Variants in EPHA3 observed in about 807,000 individuals in gnomAD.
EPHA3 encodes ephrin type-A receptor 3.
In EPHA3, 42 loss-of-function variants were observed where a neutral mutation model predicts 107.1. That is an observed-to-expected ratio of 0.39 (90% CI 0.31 to 0.51). EPHA3 has a LOEUF of 0.51. Among genes scored for constraint, EPHA3 ranks in the 20% least tolerant of loss-of-function variants. The pLI is 0.78. For missense variants in EPHA3, 1,183 were observed against 1,211.2 expected (o/e 0.98, Z 0.35); for synonymous variants, 461 against 424.8 (o/e 1.09, Z -1.05).
intron 2 of EPHA3, among the ~76,000 whole-genome samples, chr3:89,169,286 T>A (rs1705156786): frequency 6.6e-6 from 1 of 152,188 alleles, no homozygotes; most frequent in Non-Finnish European, 1.5e-5. Context: ...GCATCCACAT[T>A]TGCAGTAAAA....
At chr3:89,430,679 A>C (rs1018093062) in intron 12 of EPHA3, among the ~76,000 whole-genome samples, 2 of 152,196 alleles carry the variant, frequency 1.3e-5, no homozygotes, top group Admixed American at 1.3e-4. Flanking sequence ...TTTTTGACTA[A>C]TTATGAACTA....
intron 3 of EPHA3, among the ~76,000 whole-genome samples, chr3:89,259,051 A>G (rs137859519): frequency 2.0e-3 from 304 of 152,314 alleles, no homozygotes; most frequent in Admixed American, 4.3e-3. Flanking sequence ...ATGGTTACAT[A>G]TATATTATCA....
At chr3:89,290,881 A>G (rs1370371395) in intron 3 of EPHA3, among the ~76,000 whole-genome samples, 1 of 152,152 alleles carries the variant, frequency 6.6e-6, no homozygotes, top group Non-Finnish European at 1.5e-5. Flanking sequence ...TGTTAGATGT[A>G]AGGTTATTAA....
At chr3:89,392,653 A>C (rs1708769043) in intron 5 of EPHA3, among the ~76,000 whole-genome samples, 1 of 152,126 alleles carries the variant, frequency 6.6e-6, no homozygotes, top group Admixed American at 6.5e-5. Context: ...AATTTAAAAA[A>C]CAGAAGAATG....
chr3:89,350,164 G>A (rs1262880910), intron 5 of EPHA3, among the ~76,000 whole-genome samples: 2 of 150,746 alleles, frequency 1.3e-5, no homozygotes, highest in Admixed American at 1.3e-4. Flanking sequence ...ACGTTGGCCT[G>A]CCTTGCTAGA....
chr3:89,126,087 C>T (rs1268784814), intron 1 of EPHA3, among the ~76,000 whole-genome samples: 1 of 151,594 alleles, frequency 6.6e-6, no homozygotes, highest in Non-Finnish European at 1.5e-5. Flanking sequence ...AACATGAGAA[C>T]ATGTTGTGCG....
intron 2 of EPHA3, among the ~76,000 whole-genome samples, chr3:89,137,277 A>T (rs1413356426): frequency 6.6e-6 from 1 of 151,958 alleles, no homozygotes; most frequent in African/African-American, 2.4e-5. Flanking sequence ...CCTGATGGAA[A>T]GGAGTTTCAA....
At chr3:89,395,326 A>T (rs1479290558) in intron 5 of EPHA3, among the ~76,000 whole-genome samples, 1 of 152,110 alleles carries the variant, frequency 6.6e-6, no homozygotes, top group African/African-American at 2.4e-5. Flanking sequence ...AATCATATCT[A>T]TTTTACAATA....
chr3:89,345,937 G>C lies in EPHA3; in HGVS notation c.1306+3847G>C, dbSNP rs556143771. Among the ~76,000 whole-genome samples the C allele has an allele frequency of 2.7e-5, 4 of 147,688 alleles. No homozygotes were observed. In the East Asian group the frequency reaches 5.8e-4, roughly 22 times the overall value. On this transcript the variant is annotated intron_variant, in intron 5 of 16. Coordinates refer to ENST00000336596, the MANE Select transcript of EPHA3 (RefSeq NM_005233.6). ...CAATTTCATCCATGTCCCTACAAAG[G>C]ACGTGAACTCATCATTTTTTATGGC...
At chr3:89,284,854 C>G (rs938612408) in intron 3 of EPHA3, among the ~76,000 whole-genome samples, 1 of 152,080 alleles carries the variant, frequency 6.6e-6, no homozygotes, top group African/African-American at 2.4e-5. Flanking sequence ...TTAGCCGATG[C>G]GGTGGCTCAC....
intron 3 of EPHA3, among the ~76,000 whole-genome samples, chr3:89,291,496 T>C (rs1250063653): frequency 6.6e-6 from 1 of 152,136 alleles, no homozygotes; most frequent in Non-Finnish European, 1.5e-5. Context: ...GAACATTTGC[T>C]TATGTTTTAA....
At chr3:89,420,417 T>C (rs1402785006) in intron 11 of EPHA3, among the ~76,000 whole-genome samples, 1 of 151,484 alleles carries the variant, frequency 6.6e-6, no homozygotes, top group Non-Finnish European at 1.5e-5. Context: ...GATTTCCTTT[T>C]GAGTTTTCAT....
chr3:89,242,048 G>A (rs1380206400), intron 3 of EPHA3, among the ~76,000 whole-genome samples: 1 of 152,120 alleles, frequency 6.6e-6, no homozygotes, highest in African/African-American at 2.4e-5. Flanking sequence ...CTCAAACCTA[G>A]GTTGATTCTT....
rs1455693942 is a variant in EPHA3, at chr3:89,433,523, G to A, written c.2346+2164G>A. Among the ~76,000 whole-genome samples, 4 of 152,030 alleles carry A rather than the reference G, an allele frequency of 2.6e-5. No homozygotes were observed. In the East Asian group the frequency reaches 7.7e-4, roughly 29 times the overall value. On this transcript the variant is annotated intron_variant, in intron 13 of 16. Coordinates refer to ENST00000336596, the MANE Select transcript of EPHA3 (RefSeq NM_005233.6). Reference sequence around the variant, plus strand: ...TATAGGAGGTAGGACTCTCCCAATGGCTTTTAATAATAAACCCTTTTGTTT... The same window carrying A: ...TATAGGAGGTAGGACTCTCCCAATGACTTTTAATAATAAACCCTTTTGTTT...
chr3:89,108,707 T>C (rs760568074), intron 1 of EPHA3, among the ~76,000 whole-genome samples: 13 of 152,176 alleles, frequency 8.5e-5, no homozygotes, highest in Non-Finnish European at 1.5e-4. Context: ...CACCAATGTG[T>C]TCTATAAGAT....
chr3:89,401,561 C>T (rs1158303593), intron 7 of EPHA3, among the ~76,000 whole-genome samples: 1 of 152,116 alleles, frequency 6.6e-6, no homozygotes, highest in Non-Finnish European at 1.5e-5. Context: ...TTAAGTGGTA[C>T]GAAGAAAGTT....
rs547390349 is a variant in EPHA3, at chr3:89,446,768, G to C, written c.2347-2457G>C. Among the ~76,000 whole-genome samples, 5 of 151,250 alleles carry C rather than the reference G, an allele frequency of 3.3e-5. No homozygotes were observed. In the South Asian group the frequency reaches 1.0e-3, roughly 32 times the overall value. On this transcript the variant is annotated intron_variant, in intron 13 of 16. Coordinates refer to ENST00000336596, the MANE Select transcript of EPHA3 (RefSeq NM_005233.6). ...AGTATTACTGAAAGTATACTGACATGATCCTTTCAGTATAAGTATACTTAT... is the reference window on the plus strand; with the variant it reads ...AGTATTACTGAAAGTATACTGACATCATCCTTTCAGTATAAGTATACTTAT...
intron 2 of EPHA3, among the ~76,000 whole-genome samples, chr3:89,171,821 C>CT (rs1705215239): frequency 1.3e-5 from 2 of 152,152 alleles, no homozygotes; most frequent in African/African-American, 4.8e-5. Flanking sequence ...CAGGAACCAC[C>CT]TTATGATCAC....
chr3:89,222,735 A>G (rs1156298440), intron 3 of EPHA3, among the ~76,000 whole-genome samples: 1 of 152,048 alleles, frequency 6.6e-6, no homozygotes, highest in South Asian at 2.1e-4. Context: ...ACATTCCTAC[A>G]TTTCTTTTAC....
Sources: gnomAD v4.1 joint callset for allele counts (sites outside exome capture counted in the v4.1 genomes callset) on GRCh38, gnomAD v4.1.1 for gene constraint, MANE v1.5 for transcripts, NCBI Gene and HGNC (gene_info 2026-07-23, HGNC 2026-07-21) for gene names.